NDC1: variants seen among roughly 807,000 people sequenced by gnomAD.
NDC1 encodes the protein nucleoporin NDC1.
Under a neutral mutation model 89.8 loss-of-function variants are expected in NDC1, and 24 were observed. That is an observed-to-expected ratio of 0.27 (90% CI 0.19 to 0.38). The LOEUF (loss-of-function observed/expected upper bound fraction) is 0.38, where lower values mean the gene tolerates loss of function less well. NDC1 is among the 10% of genes least tolerant of loss of function. The pLI, the probability that NDC1 is intolerant of heterozygous loss-of-function variation, is 1.00. For missense variants in NDC1, 728 were observed against 797.6 expected, an observed-to-expected ratio of 0.91 and a Z score of 1.05; for synonymous variants, 296 against 284.8, an observed-to-expected ratio of 1.04 and a Z score of -0.39.
intron 14 of NDC1, among the ~76,000 whole-genome samples, chr1:53,790,163 G>A (rs1446701552): frequency 6.6e-6 from 1 of 151,808 alleles, no homozygotes; most frequent in Non-Finnish European, 1.5e-5. Context: ...TCAGGAGTTC[G>A]AGACCAGCCT....
intron 16 of NDC1, among the ~76,000 whole-genome samples, chr1:53,774,749 T>TGTG (rs1482609398): frequency 2.6e-5 from 4 of 152,046 alleles, no homozygotes; most frequent in Non-Finnish European, 5.9e-5. Context: ...ATTAGCTGGA[T>TGTG]GTGGTCCAAT....
At chr1:53,799,805 G>C (rs1647844644) in intron 11 of NDC1, among the ~76,000 whole-genome samples, 1 of 152,156 alleles carries the variant, frequency 6.6e-6, no homozygotes, top group African/African-American at 2.4e-5. Context: ...GGAACATTAA[G>C]TCCTTTTATC....
At position 53,767,932 on chromosome 1, in the gene NDC1, G is replaced by T. The variant is rs1187591767; in HGVS notation, c.*38C>A. Reference sequence around the variant, plus strand: ...AACATTTACTGTCCCATCTGTAGTTGTATCAGCAGTGTAATGAACACAGTT... The same window carrying T: ...AACATTTACTGTCCCATCTGTAGTTTTATCAGCAGTGTAATGAACACAGTT... On this transcript the variant is annotated 3_prime_UTR_variant, in exon 18 of 18. Coordinates refer to ENST00000371429, the MANE Select transcript of NDC1 (RefSeq NM_018087.5). The T allele has an allele frequency of 7.9e-7, 1 of 1,264,014 alleles. No homozygotes were observed. The highest frequency in any genetic ancestry group is 1.3e-5 in the South Asian group (1 of 74,936). 78.3% of individuals were successfully genotyped at this position (1,264,014 alleles called of 1,614,324 possible).
chr1:53,787,135 C>T (rs1210698132), intron 16 of NDC1, 23 bp downstream of exon 16: 2 of 1,413,210 alleles, frequency 1.4e-6, no homozygotes, highest in Non-Finnish European at 2.0e-6. Flanking sequence ...CCTCTACCCC[C>T]TCCCAACCCA....
intron 6 of NDC1, among the ~76,000 whole-genome samples, chr1:53,810,039 T>C (rs1030681605): frequency 1.3e-5 from 2 of 152,240 alleles, no homozygotes; most frequent in African/African-American, 4.8e-5. Flanking sequence ...TATAAGCAAC[T>C]GCATATAGCA....
intron 17 of NDC1, among the ~76,000 whole-genome samples, 159 bp from the exon 18 acceptor site, chr1:53,768,192 A>G (rs1647082281): frequency 6.6e-6 from 1 of 152,230 alleles, no homozygotes; most frequent in Non-Finnish European, 1.5e-5. Context: ...ACTCTTTTTA[A>G]TCTAATGAAG....
At chr1:53,827,683 T>C (rs778127528) in intron 4 of NDC1, among the ~76,000 whole-genome samples, 20 of 152,232 alleles carry the variant, frequency 1.3e-4, no homozygotes, top group Non-Finnish European at 2.4e-4. Flanking sequence ...ACAGGTTTTG[T>C]CTGCACATCT....
At chr1:53,822,748 T>C (rs1472393951) in intron 5 of NDC1, among the ~76,000 whole-genome samples, 1 of 152,080 alleles carries the variant, frequency 6.6e-6, no homozygotes, top group Admixed American at 6.5e-5. Flanking sequence ...AATGATGATA[T>C]AAACATACTC....
At chr1:53,795,991 G>A (rs1647684005) in intron 13 of NDC1, among the ~76,000 whole-genome samples, 1 of 152,084 alleles carries the variant, frequency 6.6e-6, no homozygotes. Flanking sequence ...CAGCCACACT[G>A]GTATCCACAT....
At chr1:53,802,145 T>A (rs1447750312) in intron 10 of NDC1, among the ~76,000 whole-genome samples, 1 of 152,164 alleles carries the variant, frequency 6.6e-6, no homozygotes, top group Non-Finnish European at 1.5e-5. Context: ...GAGTATAGAA[T>A]TCCTATGTTA....
intron 8 of NDC1, among the ~76,000 whole-genome samples, chr1:53,807,160 T>G (rs1648136602): frequency 7.3e-6 from 1 of 137,444 alleles, no homozygotes; most frequent in African/African-American, 2.8e-5. Context: ...GGTGGGAGAA[T>G]CACTTGAACC....
At chr1:53,803,878 T>C in intron 10 of NDC1, 50 bp downstream of exon 10, 1 of 1,419,704 alleles carries the variant, frequency 7.0e-7, no homozygotes, top group South Asian at 1.2e-5. Context: ...GCCAAGTGAA[T>C]TACTTTCTAC....
At chr1:53,823,512 A>G (rs547094469) in intron 5 of NDC1, among the ~76,000 whole-genome samples, 1 of 152,364 alleles carries the variant, frequency 6.6e-6, no homozygotes, top group South Asian at 2.1e-4. Flanking sequence ...AGCATTGTCA[A>G]CTATCAGACT....
At chr1:53,797,963 G>A (rs184348002) in intron 11 of NDC1, among the ~76,000 whole-genome samples, 218 of 151,924 alleles carry the variant, frequency 1.4e-3, no homozygotes, top group Non-Finnish European at 2.4e-3. Context: ...TCACACCAAA[G>A]GCTAATTTGC....
At chr1:53,769,318 G>A (rs962592614) in intron 17 of NDC1, among the ~76,000 whole-genome samples, 1 of 152,212 alleles carries the variant, frequency 6.6e-6, no homozygotes, top group African/African-American at 2.4e-5. Context: ...GGATGAACAA[G>A]TCTAGAGATC....
At chr1:53,800,953 G>T (rs1421136494) in intron 10 of NDC1, 105 bp from the exon 11 acceptor site, 1 of 1,065,816 alleles carries the variant, frequency 9.4e-7, no homozygotes, top group African/African-American at 1.6e-5. Flanking sequence ...CTTGGCATCA[G>T]GACCCACTTT....
chr1:53,815,666 C>T (rs1648452208), intron 6 of NDC1, among the ~76,000 whole-genome samples: 2 of 152,190 alleles, frequency 1.3e-5, no homozygotes, highest in Non-Finnish European at 2.9e-5. Flanking sequence ...CAAACTGTCA[C>T]TGTTTGCTGA....
At chr1:53,778,057 G>A (rs1647176677) in intron 16 of NDC1, among the ~76,000 whole-genome samples, 1 of 151,900 alleles carries the variant, frequency 6.6e-6, no homozygotes, top group Non-Finnish European at 1.5e-5. Flanking sequence ...TCTTTTGGTG[G>A]CAAAAGCTGA....
At chr1:53,820,484 T>C (rs937371177) in intron 5 of NDC1, among the ~76,000 whole-genome samples, 5 of 151,872 alleles carry the variant, frequency 3.3e-5, no homozygotes, top group Admixed American at 6.6e-5. Context: ...CATGTATACA[T>C]ACGTAACAAA....
Sources: gnomAD v4.1 joint callset for allele counts (sites outside exome capture counted in the v4.1 genomes callset) on GRCh38, gnomAD v4.1.1 for gene constraint, MANE v1.5 for transcripts, NCBI Gene and HGNC (gene_info 2026-07-23, HGNC 2026-07-21) for gene names.